The following CAP2 variants were observed in gnomAD, a reference collection of about 807,000 sequenced individuals.
CAP2 encodes the protein cyclase associated actin cytoskeleton regulatory protein 2, also known as adenylyl cyclase-associated protein 2.
A neutral mutation model predicts 57.7 loss-of-function variants in CAP2; 24 were observed. The observed-to-expected ratio is 0.42, with a 90% CI of 0.30 to 0.58. The LOEUF (loss-of-function observed/expected upper bound fraction) is 0.58, where lower values mean the gene tolerates loss of function less well. Ranked by LOEUF, CAP2 falls within the 20% of genes least tolerant of loss-of-function variation. CAP2 has a pLI of 0.22. For missense variants in CAP2, 501 were observed against 590.3 expected (o/e 0.85, Z 1.57); for synonymous variants, 194 against 207.2 (o/e 0.94, Z 0.55).
At chr6:17,479,537 A>AGGAAAAAAGGAG (rs1205974642) in intron 4 of CAP2, among the ~76,000 whole-genome samples, 1 of 152,128 alleles carries the variant, frequency 6.6e-6, no homozygotes, top group African/African-American at 2.4e-5. Flanking sequence ...GCAAGGAGGA[A>AGGAAAAAAGGAG]GGAAAAAAGG....
intron 4 of CAP2, among the ~76,000 whole-genome samples, chr6:17,504,289 G>T (rs1370363895): frequency 6.6e-6 from 1 of 152,204 alleles, no homozygotes; most frequent in East Asian, 1.9e-4. Flanking sequence ...AGCAGGTACT[G>T]TTGTCAACCC....
intron 1 of CAP2, among the ~76,000 whole-genome samples, chr6:17,418,884 T>C (rs1420597877): frequency 1.3e-5 from 2 of 152,206 alleles, no homozygotes; most frequent in Non-Finnish European, 2.9e-5. Context: ...TCCTTTTTTT[T>C]TCCTTCAATT....
At position 17,440,540 on chromosome 6, in the gene CAP2, G is replaced by A. The variant is rs534930372; in HGVS notation, c.222+13850G>A. On this transcript the variant is annotated intron_variant, in intron 3 of 12. Transcript: ENST00000229922. ...AGACAGTATTTTAAAAATGTTGACAGAGGCTTATCTTTTAGCAGGAATGTC... is the reference window on the plus strand; with the variant it reads ...AGACAGTATTTTAAAAATGTTGACAAAGGCTTATCTTTTAGCAGGAATGTC... Among the ~76,000 whole-genome samples, 16 of 151,136 alleles carry A rather than the reference G, an allele frequency of 1.1e-4. 1 individual carries two copies. The highest frequency in any genetic ancestry group is 3.4e-4 in the African/African-American group (14 of 40,778).
chr6:17,505,577 T>C (rs1761959294), intron 4 of CAP2, among the ~76,000 whole-genome samples: 1 of 152,250 alleles, frequency 6.6e-6, no homozygotes, highest in Admixed American at 6.5e-5. Context: ...ACCATTGCTC[T>C]GAAATCTCAG....
At chr6:17,483,963 T>A (rs1046172861) in intron 4 of CAP2, among the ~76,000 whole-genome samples, 2 of 151,770 alleles carry the variant, frequency 1.3e-5, no homozygotes, top group African/African-American at 4.8e-5. Flanking sequence ...TCTGGTCACT[T>A]CTGCTTGGAG....
chr6:17,529,651 A>AAAAAAAAAATATATAT (rs10656588), intron 7 of CAP2, among the ~76,000 whole-genome samples: 3 of 134,538 alleles, frequency 2.2e-5, no homozygotes, highest in Admixed American at 7.8e-5. Context: ...AAAAAAAAAA[A>AAAAAAAAAATATATAT]ATATATATAT....
At chr6:17,526,118 G>A (rs946946408) in intron 7 of CAP2, among the ~76,000 whole-genome samples, 1 of 150,272 alleles carries the variant, frequency 6.7e-6, no homozygotes, top group Non-Finnish European at 1.5e-5. Context: ...ATGAAAATGT[G>A]TCTTTTTTTT....
intron 3 of CAP2, among the ~76,000 whole-genome samples, chr6:17,445,040 A>G (rs1388035827): frequency 6.6e-6 from 1 of 152,198 alleles, no homozygotes; most frequent in Non-Finnish European, 1.5e-5. Flanking sequence ...AATCACTGAC[A>G]ATAGAAACAC....
At chr6:17,447,854 A>G (rs113867184) in intron 3 of CAP2, among the ~76,000 whole-genome samples, 8 of 152,206 alleles carry the variant, frequency 5.3e-5, no homozygotes, top group African/African-American at 1.9e-4. Flanking sequence ...AAGGTTGGGT[A>G]AGTTGGGAAT....
intron 1 of CAP2, among the ~76,000 whole-genome samples, chr6:17,406,398 C>CTTTTTTTTTTTTTTTTTT (rs777803474): frequency 0.021 from 2,185 of 102,084 alleles, 249 homozygotes; most frequent in Non-Finnish European, 0.026. Context: ...GCCCAGATTT[C>CTTTTTTTTTTTTTTTTTT]TTTTTTTTTT....
chr6:17,479,208 TGTACGTGTGTGTACACACAC>T (rs1312510444), intron 4 of CAP2, among the ~76,000 whole-genome samples: 1 of 152,248 alleles, frequency 6.6e-6, no homozygotes, highest in East Asian at 1.9e-4. Context: ...CACACACACC[TGTACGTGTGTGTACACACAC>T]GTCTGTACCA....
intron 4 of CAP2, among the ~76,000 whole-genome samples, chr6:17,469,111 G>A (rs62393838): frequency 3.7e-3 from 571 of 152,308 alleles, no homozygotes; most frequent in Non-Finnish European, 6.1e-3. Context: ...CAAAACTCTC[G>A]CCCGAGCTGC....
intron 3 of CAP2, among the ~76,000 whole-genome samples, chr6:17,433,549 C>G (rs1156442690): frequency 6.6e-6 from 1 of 152,228 alleles, no homozygotes; most frequent in Non-Finnish European, 1.5e-5. Flanking sequence ...TGGAAGGCTA[C>G]TGTGCCTCTT....
chr6:17,501,919 C>A (rs1480336514), intron 4 of CAP2, among the ~76,000 whole-genome samples: 1 of 152,224 alleles, frequency 6.6e-6, no homozygotes, highest in Non-Finnish European at 1.5e-5. Context: ...GTCCTTTCCA[C>A]CTTCTGTCAC....
chr6:17,422,346 CTTTT>C (rs11320178), intron 2 of CAP2, among the ~76,000 whole-genome samples: 6 of 90,272 alleles, frequency 6.6e-5, no homozygotes, highest in Non-Finnish European at 6.2e-5. Flanking sequence ...ACCAACTATG[CTTTT>C]TTTTTTTTTT....
intron 3 of CAP2, among the ~76,000 whole-genome samples, chr6:17,453,543 C>T (rs1037739625): frequency 1.4e-4 from 21 of 152,188 alleles, no homozygotes; most frequent in African/African-American, 5.1e-4. Context: ...GAACGGAATC[C>T]TTATCAAACG....
chr6:17,440,570 C>T (rs947684557), intron 3 of CAP2, among the ~76,000 whole-genome samples: 3 of 150,268 alleles, frequency 2.0e-5, no homozygotes, highest in Non-Finnish European at 2.9e-5. Flanking sequence ...AATGTCAGCC[C>T]ATTAAGTATG....
intron 7 of CAP2, among the ~76,000 whole-genome samples, chr6:17,538,152 A>T (rs1037870691): frequency 3.3e-5 from 5 of 152,170 alleles, no homozygotes; most frequent in South Asian, 2.1e-4. Flanking sequence ...TTCTGTGAAA[A>T]TATCACAGAT....
At chr6:17,432,944 C>T (rs1759777775) in intron 3 of CAP2, among the ~76,000 whole-genome samples, 2 of 137,222 alleles carry the variant, frequency 1.5e-5, no homozygotes, top group South Asian at 2.3e-4. Context: ...CTTTTTCCTC[C>T]CTCCCTCCCT....
Sources: gnomAD v4.1 joint callset for allele counts (sites outside exome capture counted in the v4.1 genomes callset) on GRCh38, gnomAD v4.1.1 for gene constraint, MANE v1.5 for transcripts, NCBI Gene and HGNC (gene_info 2026-07-23, HGNC 2026-07-21) for gene names.